Variants in UBP1 observed in about 807,000 individuals in gnomAD.
UBP1 encodes upstream binding protein 1.
Under a neutral mutation model 76.1 loss-of-function variants are expected in UBP1, and 22 were observed. That is an observed-to-expected ratio of 0.29 (90% CI 0.21 to 0.41). The LOEUF (loss-of-function observed/expected upper bound fraction) is 0.41, where lower values mean the gene tolerates loss of function less well. Ranked by LOEUF, UBP1 falls within the 10% of genes least tolerant of loss-of-function variation. The probability of loss-of-function intolerance (pLI) is 1.00; values close to 1 mark genes in which losing one functional copy is unlikely to be tolerated. For missense variants in UBP1, 436 were observed against 668.1 expected (o/e 0.65, Z 3.83); for synonymous variants, 224 against 237.1 (o/e 0.94, Z 0.51).
chr3:33,430,906 C>A (rs2045102055), intron 1 of UBP1, among the ~76,000 whole-genome samples: 1 of 152,056 alleles, frequency 6.6e-6, no homozygotes, highest in East Asian at 1.9e-4. Context: ...TCACTGATTT[C>A]TATTTTCCTG....
chr3:33,439,566 C>CAG (rs2045256211), intron 1 of UBP1, among the ~76,000 whole-genome samples, 170 bp downstream of exon 1: 1 of 152,220 alleles, frequency 6.6e-6, no homozygotes, highest in Non-Finnish European at 1.5e-5. Flanking sequence ...CCAGGGCGAG[C>CAG]AGAGGCCTTT....
At chr3:33,435,135 A>C (rs2045184710) in intron 1 of UBP1, among the ~76,000 whole-genome samples, 1 of 152,244 alleles carries the variant, frequency 6.6e-6, no homozygotes, top group South Asian at 2.1e-4. Flanking sequence ...TGGACACTAT[A>C]ATCTTAAATC....
intron 8 of UBP1, among the ~76,000 whole-genome samples, chr3:33,407,779 A>G (rs745561222): frequency 1.3e-5 from 2 of 152,234 alleles, no homozygotes; most frequent in Non-Finnish European, 2.9e-5. Context: ...TGGTACTTTA[A>G]TAGTGCAAAG....
At chr3:33,394,514 A>G (rs2043892344) in intron 13 of UBP1, among the ~76,000 whole-genome samples, 1 of 133,420 alleles carries the variant, frequency 7.5e-6, no homozygotes, top group Admixed American at 8.3e-5. Flanking sequence ...AGCCCCAGCC[A>G]CATTCCAGTG....
intron 1 of UBP1, among the ~76,000 whole-genome samples, chr3:33,435,221 G>C (rs1373094918): frequency 6.6e-6 from 1 of 152,110 alleles, no homozygotes; most frequent in Non-Finnish European, 1.5e-5. Context: ...GGAAAAAGTT[G>C]TTAAACCTTG....
intron 13 of UBP1, 86 bp from the exon 14 acceptor site, chr3:33,393,540 TCA>T (rs2043851760): frequency 7.6e-7 from 1 of 1,317,450 alleles, no homozygotes. Context: ...TGTACGAAGG[TCA>T]CACCTTTCAA....
chr3:33,434,184 T>C (rs537608411), intron 1 of UBP1, among the ~76,000 whole-genome samples: 4 of 147,866 alleles, frequency 2.7e-5, no homozygotes, highest in Non-Finnish European at 4.5e-5. Context: ...CTGAACACAA[T>C]AAAAATCTAT....
Position 33,389,791 on chromosome 3 carries a change from G to T in UBP1, c.*540C>A, listed in dbSNP as rs1382006798. 2 of 154,138 alleles carry T rather than the reference G, an allele frequency of 1.3e-5. No individual in the cohort carries two copies. Among genetic ancestry groups the T allele is most frequent in the African/African-American group, 4.8e-5 (2 of 41,418 alleles). 9.5% of individuals were successfully genotyped at this position (154,138 alleles called of 1,614,324 possible). On this transcript the variant is annotated 3_prime_UTR_variant, in exon 16 of 16. Coordinates refer to ENST00000283629, the MANE Select transcript of UBP1 (RefSeq NM_014517.5). ...ATATCAAACGTACACCCTCAGACAT[G>T]ATTTCTTCCAAGAAGGTGCCGAGCC...
rs752380867 is a variant in UBP1 at position 33,400,244 on chromosome 3, T to C, written c.1125A>G (p.Gln375=). 1.2e-6 allele frequency: 2 copies of C among 1,601,634 alleles called. No homozygotes were observed. The highest frequency in any genetic ancestry group is 1.4e-5 in the African/African-American group (1 of 74,042). Residue 375 remains glutamine (Q), a synonymous_variant, in exon 11 of 16, where the codon CAA becomes CAG. Transcript: ENST00000283629. ...AAGAGAATCTGTTTTTGAGCAGCCA[T>C]TGCTGTGTTTCCTGGATCGTAGCTG... ...QPSATIQETQ[Q]WLLKNRFSSY...
chr3:33,400,658 G>A (rs943157122), intron 10 of UBP1, among the ~76,000 whole-genome samples: 1 of 152,090 alleles, frequency 6.6e-6, no homozygotes, highest in African/African-American at 2.4e-5. Context: ...ATAGGTAACA[G>A]AGACCGGGAA....
chr3:33,439,059 C>T (rs367848345), intron 1 of UBP1, among the ~76,000 whole-genome samples: 2 of 152,192 alleles, frequency 1.3e-5, no homozygotes, highest in African/African-American at 4.8e-5. Context: ...CTGTTTCAAT[C>T]TCTCCATATT....
intron 1 of UBP1, among the ~76,000 whole-genome samples, chr3:33,438,109 GA>G (rs2045231006): frequency 6.6e-6 from 1 of 152,100 alleles, no homozygotes; most frequent in Non-Finnish European, 1.5e-5. Flanking sequence ...CATGGTCAGG[GA>G]AAGGTTTAAA....
rs1400427491 is a variant in UBP1, at chr3:33,426,038, T to G, written c.114-297A>C. ...ATATATATATATATATATATATATA[T>G]AGCACTTTAAAAACTTCTTTTAAAA... is the stretch of plus-strand genomic sequence containing the variant. On this transcript the variant is annotated intron_variant, in intron 1 of 15. Transcript: ENST00000283629. Among the ~76,000 whole-genome samples, 19 of 83,186 alleles carry G rather than the reference T, an allele frequency of 2.3e-4. 2 individuals are homozygous for G. Among genetic ancestry groups the G allele is most frequent in the Non-Finnish European group, 2.8e-4 (12 of 43,512 alleles). 54.6% of individuals were successfully genotyped at this position (83,186 alleles called of 152,430 possible).
chr3:33,394,383 G>A (rs2043885520), intron 13 of UBP1, among the ~76,000 whole-genome samples: 1 of 151,914 alleles, frequency 6.6e-6, no homozygotes, highest in Non-Finnish European at 1.5e-5. Flanking sequence ...CCTACTACTA[G>A]GAATTTATCC....
chr3:33,417,469 T>C lies in UBP1; in HGVS notation c.266-635A>G, dbSNP rs115996955. ...CATATGTAGTATATATCAGTCCTTT[T>C]TATTGCCAAATAATATTCATTCCTT... On this transcript the variant is annotated intron_variant, in intron 2 of 15. Coordinates refer to ENST00000283629, the MANE Select transcript of UBP1 (RefSeq NM_014517.5). Among the ~76,000 whole-genome samples the C allele has an allele frequency of 2.1e-3, 324 of 152,336 alleles. 1 individual carries two copies. Among genetic ancestry groups the C allele is most frequent in the South Asian group, 7.2e-3 (35 of 4,830 alleles).
At chr3:33,412,196 A>C (rs1022395619) in intron 4 of UBP1, among the ~76,000 whole-genome samples, 6 of 151,764 alleles carry the variant, frequency 4.0e-5, no homozygotes, top group Non-Finnish European at 8.8e-5. Context: ...CAAAAAAAAA[A>C]AAAAAAAAAA....
At chr3:33,403,191 G>A (rs958268089) in intron 8 of UBP1, 2 of 310,018 alleles carry the variant, frequency 6.5e-6, no homozygotes, top group African/African-American at 4.6e-5. Context: ...TAATTGCTTT[G>A]AAGAGCTTTC....
chr3:33,416,782 A>C lies in UBP1; in HGVS notation c.318T>G (p.Pro106=), dbSNP rs139301214. The C allele has an allele frequency of 3.8e-5, 62 of 1,613,334 alleles. No individual in the cohort carries two copies. The highest frequency in any genetic ancestry group is 3.3e-5 in the Admixed American group (2 of 60,000). The change falls in exon 3 of 16, where the codon CCT becomes CCG. Residue 106 remains proline, a synonymous_variant. Coordinates refer to ENST00000283629, the MANE Select transcript of UBP1 (RefSeq NM_014517.5). ...MLDNRKMGDM[P]EINGKLVKSI... is the part of the protein sequence containing the mutation. ...CCTTTACTAATTTTCCATTGATCTC[A>C]GGCATATCACCCATTTTCCGATTAT...
rs750148350 is a variant in UBP1, at chr3:33,416,857, A to G, written c.266-23T>C. On this transcript the variant is annotated intron_variant, in intron 2 of 15. Transcript: ENST00000283629. The stretch of plus-strand genomic sequence containing the variant: ...GACCTATTTAAAGAAATTGTGTATA[A>G]AAAACAATCCTTATAAAGAACATCA... 6.9e-6 allele frequency: 11 copies of G among 1,585,036 alleles called. No homozygotes were observed. In the East Asian group the frequency reaches 2.2e-4, roughly 32 times the overall value.
Sources: gnomAD v4.1 joint callset for allele counts (sites outside exome capture counted in the v4.1 genomes callset) on GRCh38, gnomAD v4.1.1 for gene constraint, MANE v1.5 for transcripts, NCBI Gene and HGNC (gene_info 2026-07-23, HGNC 2026-07-21) for gene names.